Variants in DPP8 observed in about 807,000 individuals in gnomAD.
DPP8 encodes the protein DPP VIII.
A neutral mutation model predicts 107.5 loss-of-function variants in DPP8; 31 were observed. The observed-to-expected ratio is 0.29, with a 90% CI of 0.22 to 0.39. The LOEUF (loss-of-function observed/expected upper bound fraction) is 0.39. Among genes scored for constraint, DPP8 ranks in the 10% least tolerant of loss-of-function variants. The pLI, the probability that DPP8 is intolerant of heterozygous loss-of-function variation, is 1.00. For missense variants in DPP8, 842 were observed against 1,076.1 expected (o/e 0.78, Z 3.04); for synonymous variants, 381 against 356.6 (o/e 1.07, Z -0.77).
At chr15:65,507,982 A>T (rs1341974476) in intron 2 of DPP8, among the ~76,000 whole-genome samples, 1 of 152,216 alleles carries the variant, frequency 6.6e-6, no homozygotes, top group Non-Finnish European at 1.5e-5. Context: ...TCATGCTTGT[A>T]GTCCCAGCAC....
At chr15:65,472,082 T>C (rs2065946743) in intron 12 of DPP8, among the ~76,000 whole-genome samples, 1 of 152,010 alleles carries the variant, frequency 6.6e-6, no homozygotes. Context: ...AAAACGCAAT[T>C]TTTTTTTCTT....
intron 2 of DPP8, among the ~76,000 whole-genome samples, chr15:65,509,962 A>C (rs547363618): frequency 8.5e-5 from 13 of 152,148 alleles, no homozygotes; most frequent in African/African-American, 3.1e-4. Flanking sequence ...TGGAGGTTGC[A>C]GTTAGCCAGG....
intron 8 of DPP8, among the ~76,000 whole-genome samples, chr15:65,482,887 G>A (rs1409700805): frequency 1.3e-5 from 2 of 150,982 alleles, no homozygotes; most frequent in African/African-American, 4.9e-5. Context: ...ACAAGGTCAG[G>A]AGATCGAGAC....
rs528940416 is a variant in DPP8, at chr15:65,445,128, A to G, written c.*1756T>C. On this transcript the variant is annotated 3_prime_UTR_variant, in exon 20 of 20. Transcript: ENST00000300141. Reference sequence around the variant, plus strand: ...ACAGCAAAACCCAATACCTTTCCCAACGACAGAACCACCATATCATCCTGC... The same window carrying G: ...ACAGCAAAACCCAATACCTTTCCCAGCGACAGAACCACCATATCATCCTGC... 6.6e-5 allele frequency: 10 copies of G among 152,308 alleles called. No homozygotes were observed. Among genetic ancestry groups the G allele is most frequent in the African/African-American group, 2.4e-4 (10 of 41,574 alleles). The allele number at this position is 152,308 out of a possible 1,614,324, so 9.4% of individuals were successfully genotyped here.
At chr15:65,515,647 G>C in intron 1 of DPP8, 4 of 1,613,296 alleles carry the variant, frequency 2.5e-6, no homozygotes, top group Non-Finnish European at 3.4e-6. Context: ...TAGTTTCCCT[G>C]GTGCCTACCT....
At chr15:65,480,433 T>A in intron 9 of DPP8, 34 bp from the exon 10 acceptor site, 1 of 1,522,878 alleles carries the variant, frequency 6.6e-7, no homozygotes, top group Non-Finnish European at 8.9e-7. Flanking sequence ...GAACCAGAAA[T>A]AAAGCAAGCT....
Position 65,476,877 on chromosome 15 carries a change from T to A in DPP8, c.1456+2003A>T, listed in dbSNP as rs143214179. ...TACTCAGCCCTAAAAAGGAAAGGAA[T>A]CCTGACATGCACTACAAAATGGATG... On this transcript the variant is annotated intron_variant, in intron 11 of 19. Transcript: ENST00000300141. Among the ~76,000 whole-genome samples, 18 of 152,258 alleles carry A rather than the reference T, an allele frequency of 1.2e-4. 1 individual carries two copies. The highest frequency in any genetic ancestry group is 4.1e-4 in the African/African-American group (17 of 41,550).
At chr15:65,504,215 C>T (rs1303749965) in intron 3 of DPP8, among the ~76,000 whole-genome samples, 6 of 151,940 alleles carry the variant, frequency 3.9e-5, no homozygotes, top group Middle Eastern at 3.4e-3. Flanking sequence ...AATACAAAAT[C>T]ATCCGGGTGT....
rs977684678 is a variant in DPP8, at chr15:65,498,425, A to G, written c.547-393T>C. ...TGACAAAGTGAGACTCAGTATCAGG[A>G]AAAAAAAAAAAAGTCAACAATGATA... On this transcript the variant is annotated intron_variant, in intron 4 of 19. Transcript: ENST00000300141. Among the ~76,000 whole-genome samples the G allele has an allele frequency of 2.0e-4, 28 of 143,020 alleles. 1 individual carries two copies. Among genetic ancestry groups the G allele is most frequent in the Middle Eastern group, 7.6e-3 (2 of 262 alleles). 93.8% of individuals were successfully genotyped at this position (143,020 alleles called of 152,430 possible).
At chr15:65,465,303 G>A (rs1292865101) in intron 14 of DPP8, among the ~76,000 whole-genome samples, 1 of 151,484 alleles carries the variant, frequency 6.6e-6, no homozygotes, top group East Asian at 1.9e-4. Flanking sequence ...GAGTAGCTGG[G>A]AGTACAGGTG....
chr15:65,448,872 A>ATGTGTGTGTG (rs1422546535), intron 19 of DPP8, among the ~76,000 whole-genome samples: 1 of 8,356 alleles, frequency 1.2e-4, no homozygotes, highest in African/African-American at 4.5e-4. Flanking sequence ...TAAAATATAT[A>ATGTGTGTGTG]TATATATATA....
chr15:65,512,570 A>G lies in DPP8; in HGVS notation c.-11-6T>C, dbSNP rs777536342. ...TGCTGCCATGTTGCATTTTCCTAGA[A>G]AAACAAGGCACATGAAGCTGTTCAC... On this transcript the variant is annotated splice_region_variant and splice_polypyrimidine_tract_variant and intron_variant, in intron 1 of 19. Coordinates refer to ENST00000300141, the MANE Select transcript of DPP8 (RefSeq NM_130434.5). 3.1e-6 allele frequency: 5 copies of G among 1,613,960 alleles called. No individual in the cohort carries two copies. The highest frequency in any genetic ancestry group is 2.2e-5 in the East Asian group (1 of 44,886).
chr15:65,457,192 C>T (rs1395254286), intron 15 of DPP8, among the ~76,000 whole-genome samples: 6 of 151,864 alleles, frequency 4.0e-5, no homozygotes, highest in Non-Finnish European at 2.9e-5. Flanking sequence ...CCGTCTCTAC[C>T]AAAAACAAAA....
chr15:65,509,606 T>C (rs1273917727), intron 2 of DPP8, among the ~76,000 whole-genome samples: 2 of 152,218 alleles, frequency 1.3e-5, no homozygotes, highest in African/African-American at 4.8e-5. Context: ...GAGGCAAAAT[T>C]AAGCATGTGA....
intron 2 of DPP8, among the ~76,000 whole-genome samples, chr15:65,510,412 T>C (rs1230708712): frequency 6.6e-6 from 1 of 151,874 alleles, no homozygotes; most frequent in Non-Finnish European, 1.5e-5. Flanking sequence ...TTCAAATCAT[T>C]AAGAAAAAGA....
At chr15:65,447,841 T>C (rs2063582280) in intron 19 of DPP8, among the ~76,000 whole-genome samples, 1 of 152,236 alleles carries the variant, frequency 6.6e-6, no homozygotes. Flanking sequence ...TTGCATCTAC[T>C]ACTATTAACT....
At chr15:65,452,531 C>T (rs1032623934) in intron 17 of DPP8, among the ~76,000 whole-genome samples, 3 of 151,766 alleles carry the variant, frequency 2.0e-5, no homozygotes, top group East Asian at 1.9e-4. Context: ...CTGTCCTATA[C>T]GTAGTTTTAT....
chr15:65,481,435 A>C, intron 9 of DPP8, 80 bp downstream of exon 9: 1 of 1,001,614 alleles, frequency 1.0e-6, no homozygotes, highest in East Asian at 2.6e-5. Flanking sequence ...TCCAACTACA[A>C]GGCAAACCTA....
At chr15:65,472,225 C>T (rs895672329) in intron 12 of DPP8, among the ~76,000 whole-genome samples, 8 of 152,054 alleles carry the variant, frequency 5.3e-5, no homozygotes, top group African/African-American at 1.7e-4. Context: ...ATTTGTGGGG[C>T]AAGATAAACA....
Sources: gnomAD v4.1 joint callset for allele counts (sites outside exome capture counted in the v4.1 genomes callset) on GRCh38, gnomAD v4.1.1 for gene constraint, MANE v1.5 for transcripts, NCBI Gene and HGNC (gene_info 2026-07-23, HGNC 2026-07-21) for gene names.